SORCS3: variants seen among roughly 807,000 people sequenced by gnomAD.
SORCS3 encodes the protein VPS10 domain-containing receptor SorCS3.
Under a neutral mutation model 146.3 loss-of-function variants are expected in SORCS3, and 57 were observed. The observed-to-expected ratio is 0.39, with a 90% CI of 0.31 to 0.49. The LOEUF is 0.49. SORCS3 is among the 20% of genes least tolerant of loss of function. SORCS3 has a pLI of 0.92. For missense variants in SORCS3, 1,341 were observed against 1,575.5 expected, an observed-to-expected ratio of 0.85 and a Z score of 2.52; for synonymous variants, 653 against 618.5, an observed-to-expected ratio of 1.06 and a Z score of -0.83.
chr10:104,766,323 C>T (rs1325868037), intron 1 of SORCS3, among the ~76,000 whole-genome samples: 1 of 152,188 alleles, frequency 6.6e-6, no homozygotes, highest in East Asian at 1.9e-4. Flanking sequence ...CTGTATTTGT[C>T]TCTTTGGCCA....
rs150574996 is a variant in SORCS3, at chr10:104,959,570, G to T, written c.796-17765G>T. The stretch of plus-strand genomic sequence containing the variant: ...GATGGGTATGCATAAGCCACCCAGG[G>T]TATGATATTCTTTTATAGGAGCCCC... On this transcript the variant is annotated intron_variant, in intron 3 of 26. Transcript: ENST00000369701. 3.2e-4 allele frequency among the ~76,000 whole-genome samples: 48 copies of T among 152,224 alleles called. No individual in the cohort carries two copies. In the East Asian group the frequency reaches 3.7e-3, roughly 12 times the overall value.
chr10:105,135,562 A>G (rs1157578578), intron 7 of SORCS3, among the ~76,000 whole-genome samples: 1 of 152,074 alleles, frequency 6.6e-6, no homozygotes. Flanking sequence ...GAATTTTCCA[A>G]ATCTTTAAGT....
intron 4 of SORCS3, among the ~76,000 whole-genome samples, chr10:104,983,401 G>GA (rs1290029339): frequency 2.0e-5 from 3 of 152,116 alleles, no homozygotes; most frequent in African/African-American, 7.2e-5. Context: ...TTATTAGAGG[G>GA]AAAATCACAT....
intron 13 of SORCS3, among the ~76,000 whole-genome samples, chr10:105,177,185 A>G (rs544160129): frequency 6.6e-6 from 1 of 152,280 alleles, no homozygotes; most frequent in South Asian, 2.1e-4. Context: ...AACATACAGA[A>G]GGGAATTTTA....
intron 19 of SORCS3, 125 bp from the exon 20 acceptor site, chr10:105,222,990 TG>T: frequency 1.0e-6 from 1 of 986,142 alleles, no homozygotes; most frequent in Non-Finnish European, 1.5e-6. Context: ...CCAATGTATA[TG>T]GTTTTGTGAC....
In SORCS3 at chr10:105,107,439, G is replaced by T. The variant is rs879862030; in HGVS notation, c.1212+1924G>T. ...GGAAACATGACTTAGAATGTAAAAT[G>T]TTCAGACTTTTTTCATTTTTCCTTG... is the stretch of plus-strand genomic sequence containing the variant. On this transcript the variant is annotated intron_variant, in intron 7 of 26. Coordinates refer to ENST00000369701, the MANE Select transcript of SORCS3 (RefSeq NM_014978.3). Among the ~76,000 whole-genome samples, 11 of 151,446 alleles carry T rather than the reference G, an allele frequency of 7.3e-5. No homozygotes were observed. The East Asian group carries it at 2.1e-3, about 30-fold the overall frequency.
rs1431364613 is a variant in SORCS3 at position 105,231,043 on chromosome 10, T to C, written c.2868+7794T>C. On this transcript the variant is annotated intron_variant, in intron 20 of 26. Transcript: ENST00000369701. ...GTCTCTCACTTGCCCTTTTCTCATA[T>C]TGGGGAGTCCCTTTCCACATTGGGG... 5.3e-5 allele frequency among the ~76,000 whole-genome samples: 8 copies of C among 152,312 alleles called. No individual in the cohort carries two copies. In the East Asian group the frequency reaches 1.2e-3, roughly 22 times the overall value.
intron 1 of SORCS3, among the ~76,000 whole-genome samples, chr10:104,654,707 A>G (rs1299549978): frequency 6.6e-6 from 1 of 152,196 alleles, no homozygotes; most frequent in African/African-American, 2.4e-5. Flanking sequence ...CTTTTGTATC[A>G]TGTGCTATTT....
At chr10:105,250,606 G>A (rs2056893044) in intron 22 of SORCS3, among the ~76,000 whole-genome samples, 1 of 152,044 alleles carries the variant, frequency 6.6e-6, no homozygotes, top group Non-Finnish European at 1.5e-5. Context: ...GCACTAATAA[G>A]CTCACCACCC....
intron 20 of SORCS3, among the ~76,000 whole-genome samples, chr10:105,242,288 A>C (rs1041678175): frequency 7.4e-6 from 1 of 134,766 alleles, no homozygotes; most frequent in Non-Finnish European, 1.5e-5. Context: ...ACATATGTTT[A>C]TATATATATT....
intron 2 of SORCS3, among the ~76,000 whole-genome samples, chr10:104,852,114 C>G (rs1252806751): frequency 2.6e-5 from 4 of 152,186 alleles, no homozygotes; most frequent in African/African-American, 9.7e-5. Flanking sequence ...TGCTATTATT[C>G]TCTTAAACTT....
At chr10:104,874,582 A>T (rs2018551807) in intron 2 of SORCS3, among the ~76,000 whole-genome samples, 2 of 151,856 alleles carry the variant, frequency 1.3e-5, no homozygotes, top group Non-Finnish European at 2.9e-5. Context: ...GGGTTTTATT[A>T]AAAAAAACAA....
At chr10:104,858,246 G>T (rs901783221) in intron 2 of SORCS3, among the ~76,000 whole-genome samples, 6 of 151,994 alleles carry the variant, frequency 3.9e-5, no homozygotes, top group African/African-American at 1.4e-4. Flanking sequence ...TTATGTTTTG[G>T]CATATGCATA....
intron 2 of SORCS3, among the ~76,000 whole-genome samples, chr10:104,883,213 G>A (rs562965785): frequency 3.7e-4 from 57 of 152,326 alleles, no homozygotes; most frequent in African/African-American, 1.4e-3. Flanking sequence ...GGAATCTACA[G>A]GAAAGAGCTG....
At chr10:104,742,081 T>C (rs958543398) in intron 1 of SORCS3, among the ~76,000 whole-genome samples, 5 of 151,980 alleles carry the variant, frequency 3.3e-5, no homozygotes, top group African/African-American at 1.2e-4. Context: ...TTTAGCAGGC[T>C]TTCTCTTATA....
rs116319355 is a variant in SORCS3 at position 105,070,416 on chromosome 10, T to G, written c.1029-19359T>G. Among the ~76,000 whole-genome samples, 639 of 152,280 alleles carry G rather than the reference T, an allele frequency of 4.2e-3. 7 individuals are homozygous for G. The highest frequency in any genetic ancestry group is 0.014 in the African/African-American group (594 of 41,570). On this transcript the variant is annotated intron_variant, in intron 5 of 26. Transcript: ENST00000369701. ...AGTGAGTGTCTCCTTCAAGGCTATT[T>G]TCAGATTCACCACCAGGGAGGTTTC...
chr10:104,884,033 G>T (rs1334241436), intron 2 of SORCS3, among the ~76,000 whole-genome samples: 4 of 151,994 alleles, frequency 2.6e-5, no homozygotes, highest in African/African-American at 9.7e-5. Flanking sequence ...AGATGGTACA[G>T]CCACCTGTAG....
At chr10:104,928,501 TCAC>T (rs1289884384) in intron 3 of SORCS3, among the ~76,000 whole-genome samples, 5 of 151,384 alleles carry the variant, frequency 3.3e-5, no homozygotes, top group African/African-American at 1.2e-4. Flanking sequence ...ACAAATACAA[TCAC>T]CACCACTGGT....
At chr10:104,682,369 G>A (rs557295381) in intron 1 of SORCS3, among the ~76,000 whole-genome samples, 3 of 152,272 alleles carry the variant, frequency 2.0e-5, no homozygotes, top group South Asian at 2.1e-4. Flanking sequence ...TGTGAAGCTG[G>A]GCCAGTTTCT....
Sources: gnomAD v4.1 joint callset for allele counts (sites outside exome capture counted in the v4.1 genomes callset) on GRCh38, gnomAD v4.1.1 for gene constraint, MANE v1.5 for transcripts, NCBI Gene and HGNC (gene_info 2026-07-23, HGNC 2026-07-21) for gene names.